Variants in RABEP1 observed in about 807,000 individuals in gnomAD.
RABEP1 encodes rabaptin, RAB GTPase binding effector protein 1, also known as rab GTPase-binding effector protein 1.
Under a neutral mutation model 123.4 loss-of-function variants are expected in RABEP1, and 51 were observed. The observed-to-expected ratio is 0.41, with a 90% CI of 0.33 to 0.52. RABEP1 has a LOEUF of 0.52. Ranked by LOEUF, RABEP1 falls within the 20% of genes least tolerant of loss-of-function variation. The pLI is 0.16. For synonymous variants in RABEP1, 347 were observed against 355.2 expected, an observed-to-expected ratio of 0.98 and a Z score of 0.26; for missense variants, 888 against 996.3, an observed-to-expected ratio of 0.89 and a Z score of 1.46.
chr17:5,354,487 A>G lies in RABEP1; in HGVS notation c.1092A>G (p.Glu364=), dbSNP rs578196087. The G allele has an allele frequency of 1.9e-6, 3 of 1,610,286 alleles. No individual in the cohort carries two copies. Among genetic ancestry groups the G allele is most frequent in the South Asian group, 2.2e-5 (2 of 90,200 alleles). ...QEESSAQLSN[E]EEHLDSTRGS... is the part of the protein sequence containing the mutation. ...AATCTTCAGCCCAGTTATCAAATGA[A>G]GAGGTATAGTGAGTCTATAATTAAA... Residue 364 remains glutamate (E), a synonymous_variant, in exon 8 of 18, where the codon GAA becomes GAG. Transcript: ENST00000537505.
intron 2 of RABEP1, among the ~76,000 whole-genome samples, chr17:5,325,758 C>T (rs1274980755): frequency 6.6e-6 from 1 of 151,378 alleles, no homozygotes; most frequent in African/African-American, 2.4e-5. Context: ...TGATAGATAC[C>T]CGAACTACAC....
chr17:5,311,697 C>CAA (rs35876639), intron 2 of RABEP1, among the ~76,000 whole-genome samples: 2,169 of 70,158 alleles, frequency 0.031, 133 homozygotes, highest in Middle Eastern at 0.082. Flanking sequence ...GACTTCATCT[C>CAA]AAAAAAAAAA....
intron 8 of RABEP1, among the ~76,000 whole-genome samples, chr17:5,360,010 T>C (rs1294756763): frequency 6.6e-6 from 1 of 152,248 alleles, no homozygotes; most frequent in East Asian, 1.9e-4. Context: ...TACAATTCAG[T>C]GGCATTGCAT....
At chr17:5,322,761 T>C (rs1000487771) in intron 2 of RABEP1, among the ~76,000 whole-genome samples, 4 of 152,192 alleles carry the variant, frequency 2.6e-5, no homozygotes, top group Admixed American at 1.3e-4. Flanking sequence ...ATACATCACA[T>C]TAACATAACC....
At position 5,378,181 on chromosome 17, in the gene RABEP1, T is replaced by A. The variant is rs761788170; in HGVS notation, c.2220T>A (p.Ser740=). The change falls in exon 15 of 18, where the codon TCT becomes TCA. Residue 740 remains serine (S), a synonymous_variant. Coordinates refer to ENST00000537505, the MANE Select transcript of RABEP1 (RefSeq NM_004703.6). ...ATCTCATTTTTTTCCTTCTAGCTTC[T>A]ATTTCTAGCCTAAAAGCTGAATTAG... ...EIENCKEEIA[S]ISSLKAELER... 20 of 1,583,534 alleles carry A rather than the reference T, an allele frequency of 1.3e-5. No individual in the cohort carries two copies. Among genetic ancestry groups the A allele is most frequent in the Non-Finnish European group, 1.6e-5 (19 of 1,153,788 alleles).
intron 13 of RABEP1, among the ~76,000 whole-genome samples, chr17:5,374,290 G>T (rs1242713190): frequency 6.6e-6 from 1 of 151,560 alleles, no homozygotes; most frequent in Non-Finnish European, 1.5e-5. Context: ...CTGGTCTTGA[G>T]CTCCTGACCT....
chr17:5,374,133 CT>C lies in RABEP1; in HGVS notation c.2025+680del, dbSNP rs1351038919. On this transcript the variant is annotated intron_variant, in intron 13 of 17. Transcript: ENST00000537505. ...CCAGGCTGGAGTGCAATGGCATCAT[CT>C]CTGCTCACTGCAACCTCCGCCTCAC... 5.7e-3 allele frequency among the ~76,000 whole-genome samples: 871 copies of C among 151,950 alleles called. 6 individuals are homozygous for C. Among genetic ancestry groups the C allele is most frequent in the African/African-American group, 0.02 (825 of 41,238 alleles).
At position 5,383,682 on chromosome 17, in the gene RABEP1, G is replaced by C. The variant is rs375726079; in HGVS notation, c.*459G>C. On this transcript the variant is annotated 3_prime_UTR_variant, in exon 18 of 18. Coordinates refer to ENST00000537505, the MANE Select transcript of RABEP1 (RefSeq NM_004703.6). ...CAGACAGAAGTGTAGTATGCTGTAT[G>C]AATATTTTATATTAAAATATGAAGG... is the stretch of plus-strand genomic sequence containing the variant. 5.7e-5 allele frequency: 13 copies of C among 229,564 alleles called. No individual in the cohort carries two copies. In the East Asian group the frequency reaches 8.2e-4, roughly 15 times the overall value. The allele number at this position is 229,564 out of a possible 1,614,324, so 14.2% of individuals were successfully genotyped here.
At chr17:5,316,472 A>AAG (rs2075296859) in intron 2 of RABEP1, among the ~76,000 whole-genome samples, 1 of 149,518 alleles carries the variant, frequency 6.7e-6, no homozygotes, top group Non-Finnish European at 1.5e-5. Context: ...AAAAAAAAAA[A>AAG]AAAGAACTGC....
intron 6 of RABEP1, among the ~76,000 whole-genome samples, 199 bp from the exon 7 acceptor site, chr17:5,350,252 C>T (rs1233345829): frequency 1.3e-5 from 2 of 152,028 alleles, no homozygotes; most frequent in African/African-American, 2.4e-5. Flanking sequence ...TGGTGGCAGG[C>T]GCCTGTAGTC....
At chr17:5,354,638 G>A in intron 8 of RABEP1, 148 bp downstream of exon 8, 1 of 694,070 alleles carries the variant, frequency 1.4e-6, no homozygotes, top group Non-Finnish European at 2.2e-6. Context: ...AGTATTTTCA[G>A]TTGTTTTTAT....
At chr17:5,328,229 AAAG>A (rs1208772830) in intron 2 of RABEP1, among the ~76,000 whole-genome samples, 1 of 152,224 alleles carries the variant, frequency 6.6e-6, no homozygotes, top group Non-Finnish European at 1.5e-5. Context: ...CTGAAGTTAA[AAAG>A]AAATGGAAGG....
At chr17:5,368,533 ACAT>A (rs1161726165) in intron 12 of RABEP1, 65 bp downstream of exon 12, 2 of 1,168,536 alleles carry the variant, frequency 1.7e-6, no homozygotes, top group African/African-American at 3.0e-5. Context: ...TTCTATCTTG[ACAT>A]CATCTTTGAT....
At chr17:5,344,386 G>A (rs1230218930) in intron 5 of RABEP1, among the ~76,000 whole-genome samples, 2 of 151,774 alleles carry the variant, frequency 1.3e-5, no homozygotes, top group East Asian at 2.0e-4. Context: ...TGCAGTGAGC[G>A]TAGGTTGTGC....
chr17:5,352,419 C>T (rs1908635910), intron 7 of RABEP1, among the ~76,000 whole-genome samples: 1 of 151,804 alleles, frequency 6.6e-6, no homozygotes. Context: ...TCTCAAACTC[C>T]TGACCTCAAG....
At chr17:5,379,297 T>G (rs997184935) in intron 15 of RABEP1, among the ~76,000 whole-genome samples, 1 of 152,238 alleles carries the variant, frequency 6.6e-6, no homozygotes, top group Admixed American at 6.5e-5. Context: ...CTGACCACAG[T>G]GTCATTGCAT....
intron 2 of RABEP1, among the ~76,000 whole-genome samples, chr17:5,320,943 C>T (rs1288861957): frequency 2.0e-5 from 3 of 152,212 alleles, no homozygotes; most frequent in Non-Finnish European, 4.4e-5. Context: ...TGTATATGGA[C>T]TCAGTTCTCC....
Position 5,361,691 on chromosome 17 carries a change from C to CA in RABEP1, c.1563+17dup. 1 of 1,574,992 alleles carries CA rather than the reference C, an allele frequency of 6.3e-7. No individual in the cohort carries two copies. Among genetic ancestry groups the CA allele is most frequent in the Non-Finnish European group, 8.6e-7 (1 of 1,159,420 alleles). Reference sequence around the variant, plus strand: ...GCAGAAAGAGGTGAGTTACCTTTCTCACGTTTTTCCTCTTGCTCACGCTGA... The same window carrying CA: ...GCAGAAAGAGGTGAGTTACCTTTCTCAACGTTTTTCCTCTTGCTCACGCTGA... On this transcript the variant is annotated intron_variant, in intron 9 of 17. Transcript: ENST00000537505.
chr17:5,286,287 C>A (rs148507814), intron 1 of RABEP1, among the ~76,000 whole-genome samples: 8 of 152,080 alleles, frequency 5.3e-5, no homozygotes, highest in South Asian at 2.1e-4. Context: ...CAAGGTCAGG[C>A]GTTCAAGACC....
Sources: gnomAD v4.1 joint callset for allele counts (sites outside exome capture counted in the v4.1 genomes callset) on GRCh38, gnomAD v4.1.1 for gene constraint, MANE v1.5 for transcripts, NCBI Gene and HGNC (gene_info 2026-07-23, HGNC 2026-07-21) for gene names.